TXNDC11: variants seen among roughly 807,000 people sequenced by gnomAD.
TXNDC11 encodes thioredoxin domain-containing protein 11.
In TXNDC11, 68 loss-of-function variants were observed where a neutral mutation model predicts 78.0. The observed-to-expected ratio is 0.87, with a 90% CI of 0.72 to 1.07. The LOEUF (loss-of-function observed/expected upper bound fraction) is 1.07, where lower values mean the gene tolerates loss of function less well. Ranked by LOEUF, TXNDC11 falls within the 50% of genes least tolerant of loss-of-function variation. TXNDC11 has a pLI of 0.00. For missense variants in TXNDC11, 1,389 were observed against 1,221.8 expected (o/e 1.14, Z -2.04); for synonymous variants, 571 against 495.2 (o/e 1.15, Z -2.03).
chr16:11,730,627 G>A lies in TXNDC11; in HGVS notation c.699+18C>T. 2 of 1,612,558 alleles carry A rather than the reference G, an allele frequency of 1.2e-6. No individual in the cohort carries two copies. The highest frequency in any genetic ancestry group is 8.5e-7 in the Non-Finnish European group (1 of 1,178,970). Reference sequence around the variant, plus strand: ...GAAAGGCCTTGAGTATGGAGGAGGAGATATGAAAGACAAGTACCTCGTAGT... The same window carrying A: ...GAAAGGCCTTGAGTATGGAGGAGGAAATATGAAAGACAAGTACCTCGTAGT... On this transcript the variant is annotated intron_variant, in intron 4 of 11. Coordinates refer to ENST00000283033, the MANE Select transcript of TXNDC11 (RefSeq NM_015914.7).
Position 11,705,517 on chromosome 16 carries a change from G to T in TXNDC11, c.794-4953C>A, listed in dbSNP as rs182499320. Among the ~76,000 whole-genome samples the T allele has an allele frequency of 7.0e-3, 1,070 of 152,276 alleles. 9 individuals are homozygous for T. Among genetic ancestry groups the T allele is most frequent in the Non-Finnish European group, 0.011 (759 of 68,018 alleles). ...AAAAGAAGAGAAGGAAAAGCAGCCA[G>T]TAAGGAAATTCATTTGATAGCCTGC... On this transcript the variant is annotated intron_variant, in intron 5 of 11. Transcript: ENST00000283033.
At chr16:11,687,015 C>T (rs573173789) in intron 10 of TXNDC11, among the ~76,000 whole-genome samples, 7 of 152,306 alleles carry the variant, frequency 4.6e-5, no homozygotes, top group African/African-American at 1.7e-4. Context: ...ATAGTAACTC[C>T]TCAGATTTGA....
At chr16:11,721,123 A>G (rs551070685) in intron 5 of TXNDC11, among the ~76,000 whole-genome samples, 1 of 152,126 alleles carries the variant, frequency 6.6e-6, no homozygotes, top group East Asian at 1.9e-4. Context: ...TAATGATGGA[A>G]CACTAAACAA....
chr16:11,741,479 C>T (rs938029155), intron 1 of TXNDC11, among the ~76,000 whole-genome samples: 10 of 152,162 alleles, frequency 6.6e-5, no homozygotes, highest in East Asian at 3.8e-4. Context: ...GCTTGCCCAG[C>T]CTCAGAAACT....
rs34525106 is a variant in TXNDC11, at chr16:11,679,538, AG to A, written c.2533del (p.Leu845TrpfsTer144). 1 of 1,613,398 alleles carries A rather than the reference AG, an allele frequency of 6.2e-7. No homozygotes were observed. ...EHRLRQQQRA[L>X]EEQHSLLHAH... ...GTGGAGCAGGCTGTGCTGCTCTTCC[AG>A]GGCCCGCTGCTGCTGCCGCAGCCGG... is the stretch of plus-strand genomic sequence containing the variant. On this transcript the variant is annotated frameshift_variant, in exon 12 of 12. Transcript: ENST00000283033. LOFTEE classifies it low-confidence loss of function (END_TRUNC). This position sits in a 1 kb window ranked among gnomAD's most constrained non-coding sequence, Gnocchi z 4.6.
chr16:11,739,021 C>G (rs1301461585), intron 1 of TXNDC11, among the ~76,000 whole-genome samples: 1 of 151,866 alleles, frequency 6.6e-6, no homozygotes, highest in Non-Finnish European at 1.5e-5. Flanking sequence ...GAGCAAAACT[C>G]CATCTCAAAA....
chr16:11,703,680 G>T, intron 5 of TXNDC11: 1 of 702,794 alleles, frequency 1.4e-6, no homozygotes, highest in South Asian at 1.5e-5. Context: ...CTAGCACGTA[G>T]ATCTTGGTTT....
intron 4 of TXNDC11, among the ~76,000 whole-genome samples, chr16:11,728,540 T>C (rs1003196161): frequency 6.6e-6 from 1 of 152,236 alleles, no homozygotes; most frequent in African/African-American, 2.4e-5. Flanking sequence ...TCACTCTAAG[T>C]GGGCTGCCAA....
intron 5 of TXNDC11, among the ~76,000 whole-genome samples, chr16:11,717,145 G>T (rs1357387326): frequency 6.6e-6 from 1 of 151,228 alleles, no homozygotes; most frequent in Non-Finnish European, 1.5e-5. Context: ...TAACCAGAAG[G>T]CCAGGCGCAG....
chr16:11,715,061 G>A (rs908389676), intron 5 of TXNDC11, among the ~76,000 whole-genome samples: 1 of 152,074 alleles, frequency 6.6e-6, no homozygotes, highest in Admixed American at 6.5e-5. Context: ...GACCAGCCTG[G>A]GCAACACAGT....
chr16:11,715,462 C>A (rs1275480796), intron 5 of TXNDC11, among the ~76,000 whole-genome samples: 4 of 135,180 alleles, frequency 3.0e-5, no homozygotes, highest in African/African-American at 8.2e-5. Context: ...CCTGTCACGG[C>A]AAAAAAAAAA....
At chr16:11,742,434 A>AG in intron 1 of TXNDC11, 43 bp downstream of exon 1, 1 of 1,352,260 alleles carries the variant, frequency 7.4e-7, no homozygotes, top group Non-Finnish European at 9.5e-7. Flanking sequence ...CGGCAGAGCA[A>AG]GGGGAGCGCC....
chr16:11,720,799 T>TG (rs1399915009), intron 5 of TXNDC11, among the ~76,000 whole-genome samples: 3 of 151,826 alleles, frequency 2.0e-5, no homozygotes, highest in African/African-American at 7.3e-5. Context: ...AGTGGTGCAG[T>TG]GGCGCGATCT....
intron 4 of TXNDC11, among the ~76,000 whole-genome samples, chr16:11,729,955 C>T (rs1240165551): frequency 1.3e-5 from 2 of 151,986 alleles, no homozygotes; most frequent in Non-Finnish European, 2.9e-5. Flanking sequence ...ATTAGCTGGG[C>T]GTGGTGGCAC....
chr16:11,742,772 TCGGGCCCGAAGGCCCGGCC>T lies in TXNDC11; in HGVS notation c.-61_-43del. 1 of 1,416,794 alleles carries T rather than the reference TCGGGCCCGAAGGCCCGGCC, an allele frequency of 7.1e-7. No individual in the cohort carries two copies. The highest frequency in any genetic ancestry group is 9.2e-7 in the Non-Finnish European group (1 of 1,092,036). 87.8% of individuals were successfully genotyped at this position (1,416,794 alleles called of 1,614,324 possible). Reference sequence around the variant, plus strand: ...CCGGCTTTATACCGCCGCCGCCGCCTCGGGCCCGAAGGCCCGGCCCGGCCCGTTGCTCCCCAATCCCGCA... The same window carrying T: ...CCGGCTTTATACCGCCGCCGCCGCCTCGGCCCGTTGCTCCCCAATCCCGCA... On this transcript the variant is annotated 5_prime_UTR_variant, in exon 1 of 12. Coordinates refer to ENST00000283033, the MANE Select transcript of TXNDC11 (RefSeq NM_015914.7).
At chr16:11,686,772 C>T (rs1026753860) in intron 10 of TXNDC11, among the ~76,000 whole-genome samples, 1 of 152,208 alleles carries the variant, frequency 6.6e-6, no homozygotes, top group Non-Finnish European at 1.5e-5. Flanking sequence ...AGAATGGAAT[C>T]GGTCTCAGCC....
At chr16:11,700,730 C>T (rs1355561739) in intron 5 of TXNDC11, among the ~76,000 whole-genome samples, 166 bp from the exon 6 acceptor site, 2 of 152,192 alleles carry the variant, frequency 1.3e-5, no homozygotes, top group African/African-American at 4.8e-5. Context: ...CCTCCTGAAA[C>T]CGACCTCGGC....
intron 7 of TXNDC11, among the ~76,000 whole-genome samples, chr16:11,696,642 CTGAA>C (rs1293237106): frequency 6.6e-6 from 1 of 152,150 alleles, no homozygotes. Context: ...CACCCACATG[CTGAA>C]GTTAAGGGAA....
chr16:11,699,404 T>C (rs889802087), intron 6 of TXNDC11, among the ~76,000 whole-genome samples: 9 of 152,110 alleles, frequency 5.9e-5, no homozygotes, highest in African/African-American at 1.9e-4. Context: ...CAAAAGCAGA[T>C]GATGTCAAAG....
Sources: gnomAD v4.1 joint callset for allele counts (sites outside exome capture counted in the v4.1 genomes callset) on GRCh38, gnomAD v4.1.1 for gene constraint, Gnocchi (gnomAD v3.1) non-coding constraint, MANE v1.5 for transcripts, NCBI Gene and HGNC (gene_info 2026-07-23, HGNC 2026-07-21) for gene names.